Variants in FBXL5 observed in about 807,000 individuals in gnomAD.
FBXL5 encodes F-box and leucine rich repeat protein 5, also known as F-box/LRR-repeat protein 5.
In FBXL5, 26 loss-of-function variants were observed where a neutral mutation model predicts 78.3. The observed-to-expected ratio is 0.33, with a 90% CI of 0.24 to 0.46. The LOEUF is 0.46. Among genes scored for constraint, FBXL5 ranks in the 20% least tolerant of loss-of-function variants. The pLI is 1.00. For synonymous variants in FBXL5, 295 were observed against 282.5 expected (o/e 1.04, Z -0.45); for missense variants, 710 against 829.2 (o/e 0.86, Z 1.77).
At chr4:15,638,777 G>A (rs554217138) in intron 3 of FBXL5, 83 bp from the exon 4 acceptor site, 19 of 845,592 alleles carry the variant, frequency 2.2e-5, no homozygotes, top group Middle Eastern at 3.4e-4. Context: ...TTAATGGCTC[G>A]AATGTCGTAT....
intron 9 of FBXL5, among the ~76,000 whole-genome samples, chr4:15,619,814 C>A (rs1057360893): frequency 4.6e-5 from 7 of 151,994 alleles, no homozygotes; most frequent in African/African-American, 1.7e-4. Flanking sequence ...AGACCCAGTT[C>A]CCCCCACCCT....
intron 1 of FBXL5, among the ~76,000 whole-genome samples, chr4:15,650,437 G>A (rs1715862059): frequency 1.3e-5 from 2 of 151,736 alleles, no homozygotes; most frequent in African/African-American, 2.4e-5. Flanking sequence ...ATGCTGTTTC[G>A]GACCCACAAA....
intron 9 of FBXL5, among the ~76,000 whole-genome samples, chr4:15,613,348 G>A (rs1361966567): frequency 6.6e-6 from 1 of 152,050 alleles, no homozygotes; most frequent in Admixed American, 6.5e-5. Context: ...AAATTTTATG[G>A]TATGTTAATT....
chr4:15,607,143 T>C (rs956065324), intron 10 of FBXL5, among the ~76,000 whole-genome samples: 1 of 152,204 alleles, frequency 6.6e-6, no homozygotes, highest in Non-Finnish European at 1.5e-5. Flanking sequence ...TAAGTTGATA[T>C]GACACCTGTG....
chr4:15,636,343 C>A, intron 5 of FBXL5, 151 bp downstream of exon 5: 1 of 596,068 alleles, frequency 1.7e-6, no homozygotes, highest in East Asian at 3.2e-5. Context: ...GCTAGTTTTC[C>A]AAAAATATAT....
chr4:15,606,491 T>G (rs1053213038), intron 10 of FBXL5, among the ~76,000 whole-genome samples: 1 of 152,140 alleles, frequency 6.6e-6, no homozygotes, highest in African/African-American at 2.4e-5. Context: ...AGGCACTAGA[T>G]ACAAGACCCA....
At chr4:15,636,860 T>C (rs770585428) in intron 4 of FBXL5, among the ~76,000 whole-genome samples, 184 bp from the exon 5 acceptor site, 1 of 152,180 alleles carries the variant, frequency 6.6e-6, no homozygotes, top group Admixed American at 6.5e-5. Context: ...GAAGAACCAG[T>C]AGGGTTAAAC....
chr4:15,662,934 T>C (rs1420059678), upstream of FBXL5, among the ~76,000 whole-genome samples: 1 of 152,218 alleles, frequency 6.6e-6, no homozygotes, highest in Non-Finnish European at 1.5e-5. Context: ...TGTCACTGAA[T>C]AACTGACCCA....
At chr4:15,623,824 T>TA (rs199999163) in intron 9 of FBXL5, among the ~76,000 whole-genome samples, 1,645 of 150,876 alleles carry the variant, frequency 0.011, 13 homozygotes, top group Non-Finnish European at 0.018. Context: ...AATTTTACAA[T>TA]AGTTTTTTTT....
chr4:15,650,050 G>A (rs561710703), intron 1 of FBXL5, among the ~76,000 whole-genome samples: 1 of 152,272 alleles, frequency 6.6e-6, no homozygotes, highest in East Asian at 1.9e-4. Flanking sequence ...CACCAAGGCA[G>A]TAATTTTGCC....
upstream of FBXL5, chr4:15,655,495 G>A (rs1577496315): frequency 9.8e-6 from 6 of 610,446 alleles, no homozygotes; most frequent in South Asian, 4.3e-4. Flanking sequence ...GCGCGCAGAG[G>A]CTCGCGGCTT....
chr4:15,656,523 A>G (rs1437971657), upstream of FBXL5, among the ~76,000 whole-genome samples: 1 of 152,236 alleles, frequency 6.6e-6, no homozygotes, highest in African/African-American at 2.4e-5. Context: ...GTCAACAAAT[A>G]ATGGAGTAGA....
intron 1 of FBXL5, among the ~76,000 whole-genome samples, chr4:15,670,246 A>C (rs1462009826): frequency 6.6e-6 from 1 of 152,234 alleles, no homozygotes; most frequent in African/African-American, 2.4e-5. Context: ...CTTTGCATGA[A>C]CAAATATTTC....
chr4:15,654,895 G>T (rs1359754659), intron 1 of FBXL5, among the ~76,000 whole-genome samples: 1 of 152,088 alleles, frequency 6.6e-6, no homozygotes. Flanking sequence ...GTCCCAGCGC[G>T]GCGGTGGGGC....
At chr4:15,645,867 A>AT (rs1335098274) in intron 1 of FBXL5, among the ~76,000 whole-genome samples, 3 of 152,276 alleles carry the variant, frequency 2.0e-5, no homozygotes, top group African/African-American at 7.2e-5. Flanking sequence ...AAATTCATAC[A>AT]TTTTTTACTC....
rs1285154248 is a variant in FBXL5, at chr4:15,625,528, A to G, written c.1574T>C (p.Ile525Thr). 2 of 1,614,134 alleles carry G rather than the reference A, an allele frequency of 1.2e-6. No individual in the cohort carries two copies. Among genetic ancestry groups the G allele is most frequent in the Admixed American group, 3.3e-5 (2 of 60,016 alleles). ...CSTSGCFSKD[I>T]VGLRTSVCWQ... ...ACAGACACTAGTCCTTAGTCCAACA[A>G]TGTCCTTACTAAAACAACCAGAGGT... The change falls in exon 9 of 11, where the codon ATT (isoleucine) becomes ACT (threonine). Residue 525 changes from isoleucine (I) to threonine (T), a missense_variant. Ile to Thr is a moderately conservative substitution (Grantham distance 89). Around this residue, in one of 4 missense-constraint regions of FBXL5, gnomAD observed 517 missense variants for 542.9 expected, o/e 0.95. Coordinates refer to ENST00000341285, the MANE Select transcript of FBXL5 (RefSeq NM_012161.4).
chr4:15,655,430 A>ACGCGGGGG (rs1716792994), upstream of FBXL5: 2 of 980,036 alleles, frequency 2.0e-6, no homozygotes, highest in Admixed American at 6.2e-5. Context: ...GCCGGCGGGG[A>ACGCGGGGG]CGCGGGGGCG....
chr4:15,678,532 C>G (rs1373424583), intron 1 of FBXL5, among the ~76,000 whole-genome samples: 1 of 152,162 alleles, frequency 6.6e-6, no homozygotes, highest in Non-Finnish European at 1.5e-5. Flanking sequence ...CATAGGTATA[C>G]TAAATATACA....
intron 1 of FBXL5, among the ~76,000 whole-genome samples, chr4:15,679,532 G>C (rs963042092): frequency 1.9e-4 from 26 of 137,530 alleles, no homozygotes; most frequent in African/African-American, 7.1e-4. Context: ...AATCTATCTA[G>C]AGAAATATGC....
Sources: allele counts gnomAD v4.1 joint callset (sites outside exome capture counted in the v4.1 genomes callset), GRCh38; gene constraint gnomAD v4.1.1; regional missense constraint gnomAD v4.1.1; transcripts MANE v1.5; gene names NCBI Gene and HGNC (gene_info 2026-07-23, HGNC 2026-07-21).